Variants in TLN2 observed in about 807,000 individuals in gnomAD.
TLN2 encodes talin 2.
Under a neutral mutation model 294.7 loss-of-function variants are expected in TLN2, and 118 were observed. That is an observed-to-expected ratio of 0.40 (90% CI 0.34 to 0.47). TLN2 has a LOEUF of 0.47. Among genes scored for constraint, TLN2 ranks in the 20% least tolerant of loss-of-function variants. The pLI is 0.84. For missense variants in TLN2, 3,083 were observed against 3,282.2 expected (o/e 0.94, Z 1.48); for synonymous variants, 1,431 against 1,304.5 (o/e 1.10, Z -2.09).
chr15:62,479,176 G>A (rs925638396), intron 1 of TLN2, among the ~76,000 whole-genome samples: 1 of 152,158 alleles, frequency 6.6e-6, no homozygotes, highest in Non-Finnish European at 1.5e-5. Flanking sequence ...GAGCTTGGGG[G>A]AGCTGGATTC....
chr15:62,707,508 C>T (rs1322844249), intron 20 of TLN2, among the ~76,000 whole-genome samples: 1 of 152,146 alleles, frequency 6.6e-6, no homozygotes, highest in African/African-American at 2.4e-5. Flanking sequence ...GCTGTGTCTC[C>T]CCTTTGGACT....
At chr15:62,414,166 A>AC (rs1566953002) in intron 1 of TLN2, among the ~76,000 whole-genome samples, 13 of 79,312 alleles carry the variant, frequency 1.6e-4, no homozygotes, top group Non-Finnish European at 3.3e-4. Context: ...AAAAAAAACT[A>AC]TATATATATA....
chr15:62,454,923 A>G (rs867719600), intron 1 of TLN2, among the ~76,000 whole-genome samples: 1 of 151,970 alleles, frequency 6.6e-6, no homozygotes, highest in Non-Finnish European at 1.5e-5. Context: ...GGTAGACACT[A>G]TCATTCCCCC....
chr15:62,396,187 TGTA>T (rs753017411), intron 1 of TLN2, among the ~76,000 whole-genome samples: 26 of 152,198 alleles, frequency 1.7e-4, no homozygotes, highest in Non-Finnish European at 2.8e-4. Flanking sequence ...GAGAAAGATG[TGTA>T]AGGACACCCA....
At position 62,771,140 on chromosome 15, in the gene TLN2, G is replaced by T. The variant is rs1411901086; in HGVS notation, c.5367+6G>T. ...AAGGTGGCGGAAACCCCAAGGTATG[G>T]TCCAGGATATCGGGGACTCACTTAG... On this transcript the variant is annotated splice_donor_region_variant and intron_variant, in intron 42 of 58. Transcript: ENST00000636159. The T allele has an allele frequency of 6.2e-7, 1 of 1,601,870 alleles. No individual in the cohort carries two copies. Among genetic ancestry groups the T allele is most frequent in the South Asian group, 1.1e-5 (1 of 89,740 alleles).
At chr15:62,418,428 T>G (rs980983924) in intron 1 of TLN2, among the ~76,000 whole-genome samples, 4 of 152,254 alleles carry the variant, frequency 2.6e-5, no homozygotes, top group African/African-American at 9.6e-5. Context: ...AGAGAAATCC[T>G]TAGACCTCTG....
intron 1 of TLN2, among the ~76,000 whole-genome samples, chr15:62,554,658 C>G (rs2042510164): frequency 6.6e-6 from 1 of 152,074 alleles, no homozygotes; most frequent in Non-Finnish European, 1.5e-5. Context: ...GAACTATTTT[C>G]TGGAACAAAC....
At chr15:62,806,799 A>C (rs1239103813) in intron 51 of TLN2, among the ~76,000 whole-genome samples, 2 of 152,294 alleles carry the variant, frequency 1.3e-5, no homozygotes, top group East Asian at 3.9e-4. Context: ...ATCCGCTGCC[A>C]TGGTGAGTGA....
At chr15:62,596,264 CA>C (rs71129015) in intron 2 of TLN2, among the ~76,000 whole-genome samples, 114 of 81,672 alleles carry the variant, frequency 1.4e-3, no homozygotes, top group South Asian at 1.5e-3. Flanking sequence ...GACTCCATCT[CA>C]AAAAAAAAAA....
rs145724075 is a variant in TLN2 at position 62,667,168 on chromosome 15, A to T, written c.789-6659A>T. Reference sequence around the variant, plus strand: ...TTTTTAGTAGAGACGGGGTTTCACCATGTTAGCCAGGATGGTCTCGATCTC... The same window carrying T: ...TTTTTAGTAGAGACGGGGTTTCACCTTGTTAGCCAGGATGGTCTCGATCTC... On this transcript the variant is annotated intron_variant, in intron 9 of 58. Transcript: ENST00000636159. 1.4e-4 allele frequency among the ~76,000 whole-genome samples: 21 copies of T among 151,988 alleles called. No homozygotes were observed. The East Asian group carries it at 1.9e-3, about 14-fold the overall frequency.
rs1203495288 is a variant in TLN2, at chr15:62,698,865, A to G, written c.1585A>G (p.Met529Val). The G allele has an allele frequency of 2.5e-6, 4 of 1,612,016 alleles. No homozygotes were observed. The highest frequency in any genetic ancestry group is 1.7e-4 in the Middle Eastern group (1 of 6,060). ...LDSLPPLGQD[M>V]ASRVWVQNKV... ...CTCGCTGCCACCTCTCGGCCAGGAT[A>G]TGGTAAATACTGTTCAGTGGTTTTC... The change falls in exon 16 of 59, where the codon ATG (methionine) becomes GTG (valine). Residue 529 changes from methionine (M) to valine (V), a missense_variant and splice_region_variant. Met to Val is a conservative substitution (Grantham distance 21). Transcript: ENST00000636159.
chr15:62,740,353 T>G, intron 31 of TLN2: 1 of 339,276 alleles, frequency 2.9e-6, no homozygotes, highest in Non-Finnish European at 5.4e-6. Flanking sequence ...TGCTCCCCGC[T>G]TAATGCCTCT....
rs561356483 is a variant in TLN2, at chr15:62,579,845, G to A, written c.-237-9842G>A. Among the ~76,000 whole-genome samples the A allele has an allele frequency of 9.1e-4, 139 of 152,336 alleles. 1 individual carries two copies. The highest frequency in any genetic ancestry group is 3.2e-3 in the African/African-American group (134 of 41,568). ...CTGAGGTTACGAGCATGTAGGAATA[G>A]TCCTCGAGCTAATGGTCAGGGTGGC... On this transcript the variant is annotated intron_variant, in intron 1 of 58. Coordinates refer to ENST00000636159, the MANE Select transcript of TLN2 (RefSeq NM_015059.3).
intron 12 of TLN2, 111 bp from the exon 13 acceptor site, chr15:62,692,729 G>A: frequency 1.3e-6 from 1 of 742,662 alleles, no homozygotes; most frequent in Admixed American, 2.6e-5. Flanking sequence ...TTAGAGAGGA[G>A]GAGCAGGGAA....
intron 19 of TLN2, among the ~76,000 whole-genome samples, chr15:62,703,303 A>C (rs568082635): frequency 1.3e-5 from 2 of 151,542 alleles, no homozygotes; most frequent in Admixed American, 6.5e-5. Context: ...GGGTTTCACT[A>C]TGTTGGTCAG....
At chr15:62,573,580 A>G (rs1234536369) in intron 1 of TLN2, among the ~76,000 whole-genome samples, 1 of 151,952 alleles carries the variant, frequency 6.6e-6, no homozygotes, top group Non-Finnish European at 1.5e-5. Context: ...GGGGCCATGC[A>G]CCCAGCTTCC....
At chr15:62,744,603 G>GA (rs1194902562) in intron 32 of TLN2, among the ~76,000 whole-genome samples, 1 of 152,060 alleles carries the variant, frequency 6.6e-6, no homozygotes, top group Non-Finnish European at 1.5e-5. Flanking sequence ...CTGGAGTGCA[G>GA]AGGCGCGATC....
At chr15:62,699,110 C>T (rs1022122433) in intron 16 of TLN2, among the ~76,000 whole-genome samples, 2 of 152,136 alleles carry the variant, frequency 1.3e-5, no homozygotes, top group African/African-American at 4.8e-5. Context: ...GATCCTGTGA[C>T]CTGGGTTCAA....
rs2070951663 is a variant in TLN2, at chr15:62,843,881, T to TA, written c.*3272dup. ...GAGCCTTGGTTTCCTCCCTGGCAGA[T>TA]AGTCCCCAGAATCTTCTCTCCCAGC... is the stretch of plus-strand genomic sequence containing the variant. On this transcript the variant is annotated 3_prime_UTR_variant, in exon 59 of 59. Coordinates refer to ENST00000636159, the MANE Select transcript of TLN2 (RefSeq NM_015059.3). 1 of 152,184 alleles carries TA rather than the reference T, an allele frequency of 6.6e-6. No individual in the cohort carries two copies. Among genetic ancestry groups the TA allele is most frequent in the African/African-American group, 2.4e-5 (1 of 41,418 alleles). 9.4% of individuals were successfully genotyped at this position (152,184 alleles called of 1,614,324 possible). A position where few individuals can be genotyped will look rare whatever the true frequency, so the allele number is the denominator to read the frequency against.
Sources: gnomAD v4.1 joint callset for allele counts (sites outside exome capture counted in the v4.1 genomes callset) on GRCh38, gnomAD v4.1.1 for gene constraint, MANE v1.5 for transcripts, NCBI Gene and HGNC (gene_info 2026-07-23, HGNC 2026-07-21) for gene names.